PKIB: variants seen among roughly 807,000 people sequenced by gnomAD.
The protein encoded by PKIB is cAMP-dependent protein kinase inhibitor beta.
PKIB carries 2 observed loss-of-function variants against 4.5 expected under a neutral mutation model. The observed-to-expected ratio is 0.44, with a 90% CI of 0.18 to 1.39. The LOEUF (loss-of-function observed/expected upper bound fraction) is 1.39. Among genes scored for constraint, PKIB ranks in the 40% most tolerant of loss-of-function variants. The pLI, the probability that PKIB is intolerant of heterozygous loss-of-function variation, is 0.27. For missense variants in PKIB, 94 were observed against 92.6 expected, an observed-to-expected ratio of 1.02 and a Z score of -0.06; for synonymous variants, 38 against 36.0, an observed-to-expected ratio of 1.06 and a Z score of -0.20.
chr6:122,725,380 C>A lies in PKIB; in HGVS notation c.*185C>A. On this transcript the variant is annotated 3_prime_UTR_variant, in exon 5 of 5. Coordinates refer to ENST00000368452, the MANE Select transcript of PKIB (RefSeq NM_181795.3). ...TTGCAATGATGATGTCCAAGGTAAG[C>A]TATTAAAAGGCAGGTTACTTCCAAA... 1.8e-6 allele frequency: 1 copy of A among 561,000 alleles called. No individual in the cohort carries two copies. The highest frequency in any genetic ancestry group is 3.2e-6 in the Non-Finnish European group (1 of 311,332). 34.8% of individuals were successfully genotyped at this position (561,000 alleles called of 1,614,324 possible). A position where few individuals can be genotyped will look rare whatever the true frequency, so the allele number is the denominator to read the frequency against.
At chr6:122,536,040 A>G (rs115876836) in intron 2 of PKIB, among the ~76,000 whole-genome samples, 202 of 152,332 alleles carry the variant, frequency 1.3e-3, no homozygotes, top group African/African-American at 4.7e-3. Flanking sequence ...CCAGGATTCA[A>G]TTGATCCTCC....
chr6:122,538,921 G>T lies in PKIB; in HGVS notation c.-247-47000G>T, dbSNP rs545136972. Among the ~76,000 whole-genome samples the T allele has an allele frequency of 3.7e-3, 559 of 152,072 alleles. 13 individuals carry two copies. Among genetic ancestry groups the T allele is most frequent in the African/African-American group, 0.013 (518 of 41,416 alleles). Reference sequence around the variant, plus strand: ...CATCCCTTGTAAGTTGGATTCCTAGGTATTTTATTCTCTTTGAAGCAATTG... The same window carrying T: ...CATCCCTTGTAAGTTGGATTCCTAGTTATTTTATTCTCTTTGAAGCAATTG... On this transcript the variant is annotated intron_variant, in intron 2 of 6. Coordinates refer to the PKIB transcript ENST00000392491.
At chr6:122,623,398 A>T (rs1352343430) in intron 1 of PKIB, among the ~76,000 whole-genome samples, 1 of 152,238 alleles carries the variant, frequency 6.6e-6, no homozygotes, top group African/African-American at 2.4e-5. Context: ...ACATAACATC[A>T]TCAGTATGTT....
Position 122,719,709 on chromosome 6 carries a change from CCACACATACACACACACACACACACA to C in PKIB, c.169+1753_169+1778del, listed in dbSNP as rs1488037964. On this transcript the variant is annotated intron_variant, in intron 4 of 4. Transcript: ENST00000368452. ...AGTGAGTAGATTGTGAGTGTTCCCA[CCACACATACACACACACACACACACA>C]CACACACACACACACACACACACAC... 1.2e-4 allele frequency among the ~76,000 whole-genome samples: 17 copies of C among 137,794 alleles called. 1 individual carries two copies. The highest frequency in any genetic ancestry group is 7.6e-4 in the South Asian group (3 of 3,928). The allele number at this position is 137,794 out of a possible 152,430, so 90.4% of individuals were successfully genotyped here.
chr6:122,499,940 C>T lies in PKIB; in HGVS notation c.-248+22001C>T, dbSNP rs553577587. Reference sequence around the variant, plus strand: ...GGAGATCCAACTCAAGAATGCAATTCCATTTACAATAGCCACATAAAAATA... The same window carrying T: ...GGAGATCCAACTCAAGAATGCAATTTCATTTACAATAGCCACATAAAAATA... On this transcript the variant is annotated intron_variant, in intron 2 of 6. Coordinates refer to the PKIB transcript ENST00000392491. Among the ~76,000 whole-genome samples the T allele has an allele frequency of 5.3e-4, 81 of 152,174 alleles. 1 individual carries two copies. Among genetic ancestry groups the T allele is most frequent in the African/African-American group, 2.0e-3 (81 of 41,520 alleles).
At chr6:122,543,096 A>T (rs1170345816) in intron 2 of PKIB, among the ~76,000 whole-genome samples, 1 of 151,926 alleles carries the variant, frequency 6.6e-6, no homozygotes, top group African/African-American at 2.4e-5. Context: ...GAGTGACCTG[A>T]TTTTCCAGGT....
chr6:122,611,633 A>C (rs1353783848), intron 1 of PKIB, among the ~76,000 whole-genome samples: 2 of 152,234 alleles, frequency 1.3e-5, no homozygotes, highest in African/African-American at 4.8e-5. Context: ...TTCAAAATTC[A>C]TCTGTCCACT....
chr6:122,688,521 G>A (rs368460588), intron 3 of PKIB, among the ~76,000 whole-genome samples: 2 of 152,034 alleles, frequency 1.3e-5, no homozygotes, highest in African/African-American at 2.4e-5. Flanking sequence ...ACTTTGAGTA[G>A]GACTGGTATT....
chr6:122,557,657 C>G (rs1345125946), intron 2 of PKIB, among the ~76,000 whole-genome samples: 4 of 152,224 alleles, frequency 2.6e-5, no homozygotes, highest in African/African-American at 9.6e-5. Context: ...GGTTCAACAA[C>G]AGATGCTTGT....
At chr6:122,540,623 G>A (rs1333665932) in intron 2 of PKIB, among the ~76,000 whole-genome samples, 2 of 151,888 alleles carry the variant, frequency 1.3e-5, no homozygotes, top group African/African-American at 4.8e-5. Flanking sequence ...TTTTGGAATA[G>A]GTGTGGTGTG....
At chr6:122,562,124 T>C (rs908244611) in intron 2 of PKIB, among the ~76,000 whole-genome samples, 1 of 103,690 alleles carries the variant, frequency 9.6e-6, no homozygotes, top group African/African-American at 3.4e-5. Flanking sequence ...TTAGAGCTCT[T>C]TTAGCAGTTC....
chr6:122,614,646 G>A (rs1774909783), intron 1 of PKIB, among the ~76,000 whole-genome samples: 2 of 152,014 alleles, frequency 1.3e-5, no homozygotes, highest in African/African-American at 4.8e-5. Flanking sequence ...GAAATAATTA[G>A]GTAGTCTTCT....
At chr6:122,542,238 C>T (rs1345787072) in intron 2 of PKIB, among the ~76,000 whole-genome samples, 1 of 152,028 alleles carries the variant, frequency 6.6e-6, no homozygotes, top group Non-Finnish European at 1.5e-5. Flanking sequence ...AGCTGCGTTC[C>T]TTTGGAGGAG....
chr6:122,586,876 A>G (rs568088377), intron 3 of PKIB, among the ~76,000 whole-genome samples: 1 of 152,274 alleles, frequency 6.6e-6, no homozygotes, highest in Non-Finnish European at 1.5e-5. Flanking sequence ...CACAGAAAAT[A>G]TATTAAGCAA....
At chr6:122,643,366 A>C (rs1031571378) in intron 2 of PKIB, 1 of 152,206 alleles carries the variant, frequency 6.6e-6, no homozygotes, top group African/African-American at 2.4e-5. Context: ...GCACATTTAT[A>C]AGATAATTAA....
At chr6:122,717,535 G>A (rs1240707049) in intron 3 of PKIB, 1 of 460,054 alleles carries the variant, frequency 2.2e-6, no homozygotes. Flanking sequence ...GCACCCTTAA[G>A]CATCCAAGTG....
rs139846382 is a variant in PKIB at position 122,639,546 on chromosome 6, G to A, written c.-76+6179G>A. The stretch of plus-strand genomic sequence containing the variant: ...ATTCTCCAGAGTCTGTGAATCACTA[G>A]CATGGAAATTTTGAACTAGAGAAAA... On this transcript the variant is annotated intron_variant, in intron 2 of 4. Transcript: ENST00000368452. Among the ~76,000 whole-genome samples the A allele has an allele frequency of 3.8e-3, 583 of 152,268 alleles. 4 individuals are homozygous for A. The highest frequency in any genetic ancestry group is 6.8e-3 in the Middle Eastern group (2 of 294).
intron 2 of PKIB, among the ~76,000 whole-genome samples, chr6:122,519,679 T>C (rs551954594): frequency 1.2e-3 from 189 of 152,394 alleles, no homozygotes; most frequent in Middle Eastern, 6.8e-3. Context: ...AGATGCCTTT[T>C]TCCTTACTCT....
chr6:122,693,492 G>T (rs933365869), intron 3 of PKIB, among the ~76,000 whole-genome samples: 2 of 152,190 alleles, frequency 1.3e-5, no homozygotes, highest in African/African-American at 4.8e-5. Flanking sequence ...ATATTTGAAA[G>T]ATCTGATGTG....
Sources: allele counts gnomAD v4.1 joint callset (sites outside exome capture counted in the v4.1 genomes callset), GRCh38; gene constraint gnomAD v4.1.1; transcripts MANE v1.5; gene names NCBI Gene and HGNC (gene_info 2026-07-23, HGNC 2026-07-21).